RBMS3: variants seen among roughly 807,000 people sequenced by gnomAD.
The protein encoded by RBMS3 is RNA-binding motif, single-stranded-interacting protein 3.
In RBMS3, 27 loss-of-function variants were observed where a neutral mutation model predicts 66.8. The observed-to-expected ratio is 0.40, with a 90% confidence interval of 0.30 to 0.56. The LOEUF is 0.56. Among genes scored for constraint, RBMS3 ranks in the 20% least tolerant of loss-of-function variants. The pLI is 0.40. For synonymous variants in RBMS3, 188 were observed against 183.0 expected (o/e 1.03, Z -0.22); for missense variants, 513 against 549.5 (o/e 0.93, Z 0.66).
At chr3:29,306,162 A>C (rs2033998793) in intron 1 of RBMS3, among the ~76,000 whole-genome samples, 1 of 151,924 alleles carries the variant, frequency 6.6e-6, no homozygotes, top group Non-Finnish European at 1.5e-5. Flanking sequence ...CCTTGTTTTC[A>C]TAATTGCATA....
At chr3:29,769,297 C>A (rs1430673316) in intron 6 of RBMS3, among the ~76,000 whole-genome samples, 1 of 151,820 alleles carries the variant, frequency 6.6e-6, no homozygotes, top group Admixed American at 6.6e-5. Context: ...AGATTTAGGG[C>A]AGCCATAAAG....
chr3:29,735,629 C>G (rs536776753), intron 4 of RBMS3, among the ~76,000 whole-genome samples: 1 of 152,264 alleles, frequency 6.6e-6, no homozygotes, highest in South Asian at 2.1e-4. Context: ...AGCCTTCACT[C>G]TTTGACTCAA....
intron 6 of RBMS3, among the ~76,000 whole-genome samples, chr3:29,866,182 A>T (rs12638932): frequency 0.017 from 2,640 of 151,858 alleles, 38 homozygotes; most frequent in Non-Finnish European, 0.028. Context: ...AGGGTGATGG[A>T]TATGTTCATT....
intron 14 of RBMS3, among the ~76,000 whole-genome samples, chr3:29,992,368 C>T (rs1383553157): frequency 4.6e-5 from 7 of 152,050 alleles, no homozygotes; most frequent in Non-Finnish European, 7.4e-5. Context: ...GGGCGGATCA[C>T]GAGGTCAGGA....
intron 4 of RBMS3, among the ~76,000 whole-genome samples, chr3:29,587,648 T>C (rs1318116141): frequency 6.6e-6 from 1 of 151,722 alleles, no homozygotes; most frequent in Non-Finnish European, 1.5e-5. Context: ...AACTGTGTGC[T>C]AAAAAAAGTG....
At chr3:29,683,759 T>A (rs2051600373) in intron 4 of RBMS3, among the ~76,000 whole-genome samples, 1 of 152,206 alleles carries the variant, frequency 6.6e-6, no homozygotes, top group African/African-American at 2.4e-5. Context: ...CAACTTTTCT[T>A]TCTTATCACT....
intron 3 of RBMS3, among the ~76,000 whole-genome samples, chr3:29,584,287 C>G (rs913246891): frequency 1.5e-5 from 2 of 135,098 alleles, no homozygotes; most frequent in African/African-American, 5.8e-5. Flanking sequence ...TCCTCTCTGA[C>G]TCTCCAGCTT....
chr3:29,573,483 C>T lies in RBMS3; in HGVS notation c.308-13631C>T, dbSNP rs568958120. On this transcript the variant is annotated intron_variant, in intron 3 of 14. Coordinates refer to ENST00000383767, the MANE Select transcript of RBMS3 (RefSeq NM_001003793.3). ...TCCTTTTTTTTCTTCATTAGTCTGG[C>T]TAAAAGTTTGCCAATTTTGTTTATC... 1.2e-3 allele frequency among the ~76,000 whole-genome samples: 186 copies of T among 152,148 alleles called. 2 individuals carry two copies. Among genetic ancestry groups the T allele is most frequent in the African/African-American group, 4.1e-3 (172 of 41,520 alleles).
intron 1 of RBMS3, among the ~76,000 whole-genome samples, chr3:29,306,013 A>G (rs1281099852): frequency 6.6e-6 from 1 of 151,974 alleles, no homozygotes; most frequent in Non-Finnish European, 1.5e-5. Flanking sequence ...ACACATGAAG[A>G]AACAATGGCA....
At position 30,008,672 on chromosome 3, in the gene RBMS3, G is replaced by T. The variant is rs1485212062; in HGVS notation, c.*4810G>T. The T allele has an allele frequency of 6.6e-6, 1 of 152,074 alleles. No individual in the cohort carries two copies. Among genetic ancestry groups the T allele is most frequent in the Non-Finnish European group, 1.5e-5 (1 of 67,972 alleles). The allele number at this position is 152,074 out of a possible 1,614,324, so 9.4% of individuals were successfully genotyped here. ...ACACTCTACCCTTCCTGTGGCAAGT[G>T]ATAATGGGATTTCATTAATGAATCA... On this transcript the variant is annotated 3_prime_UTR_variant, in exon 15 of 15. Transcript: ENST00000383767.
rs189089662 is a variant in RBMS3, at chr3:29,464,585, A to T, written c.249-23856A>T. 9.7e-3 allele frequency among the ~76,000 whole-genome samples: 1,481 copies of T among 152,306 alleles called. 11 individuals carry two copies. Among genetic ancestry groups the T allele is most frequent in the Middle Eastern group, 0.02 (6 of 294 alleles). On this transcript the variant is annotated intron_variant, in intron 2 of 14. Transcript: ENST00000383767. ...TTTGTCTTGAAATCTTTTTTAAAAAATTTCTGTGGCATTTGGTATACCTTA... is the reference window on the plus strand; with the variant it reads ...TTTGTCTTGAAATCTTTTTTAAAAATTTTCTGTGGCATTTGGTATACCTTA...
intron 3 of RBMS3, among the ~76,000 whole-genome samples, chr3:29,493,081 C>T (rs936566287): frequency 1.3e-5 from 2 of 152,100 alleles, no homozygotes; most frequent in African/African-American, 4.8e-5. Context: ...TGAGCACTCT[C>T]GTTTTCCTTA....
At chr3:29,708,469 C>T (rs1402954838) in intron 4 of RBMS3, among the ~76,000 whole-genome samples, 1 of 152,136 alleles carries the variant, frequency 6.6e-6, no homozygotes, top group African/African-American at 2.4e-5. Flanking sequence ...AATAATAAAT[C>T]GTGTAATTCC....
chr3:29,546,288 G>T (rs2045946151), intron 3 of RBMS3, among the ~76,000 whole-genome samples: 1 of 152,108 alleles, frequency 6.6e-6, no homozygotes, highest in South Asian at 2.1e-4. Flanking sequence ...ACAGAATGAG[G>T]CATAGAGAGG....
intron 12 of RBMS3, among the ~76,000 whole-genome samples, chr3:29,973,780 TCA>T (rs1261894165): frequency 7.2e-5 from 11 of 151,932 alleles, no homozygotes; most frequent in Non-Finnish European, 1.6e-4. Context: ...TTCACACATA[TCA>T]CATTCTGATG....
At chr3:29,421,381 C>T (rs73042547) in intron 1 of RBMS3, among the ~76,000 whole-genome samples, 3,916 of 152,140 alleles carry the variant, frequency 0.026, 70 homozygotes, top group East Asian at 0.04. Context: ...CCATTGTTTA[C>T]CCACAAAATG....
chr3:29,461,200 C>T (rs1054496747), intron 2 of RBMS3, among the ~76,000 whole-genome samples: 4 of 152,214 alleles, frequency 2.6e-5, no homozygotes, highest in African/African-American at 9.6e-5. Context: ...CATCCAAGGG[C>T]TGCTTTTGGG....
chr3:29,758,829 C>T (rs915198940), intron 5 of RBMS3, among the ~76,000 whole-genome samples: 4 of 152,100 alleles, frequency 2.6e-5, no homozygotes, highest in Non-Finnish European at 5.9e-5. Flanking sequence ...CCTGTGCATA[C>T]GTAAATCTTA....
At chr3:29,701,542 G>C (rs1246408161) in intron 4 of RBMS3, among the ~76,000 whole-genome samples, 1 of 152,084 alleles carries the variant, frequency 6.6e-6, no homozygotes, top group African/African-American at 2.4e-5. Context: ...GCAGAGGTCG[G>C]AGCCAGCTCC....
Sources: allele counts gnomAD v4.1 joint callset (sites outside exome capture counted in the v4.1 genomes callset), GRCh38; gene constraint gnomAD v4.1.1; transcripts MANE v1.5; gene names NCBI Gene and HGNC (gene_info 2026-07-23, HGNC 2026-07-21).